FER: variants seen among roughly 807,000 people sequenced by gnomAD.
The protein encoded by FER is FER tyrosine kinase.
In FER, 63 loss-of-function variants were observed where a neutral mutation model predicts 111.0. The ratio of observed to expected loss-of-function variants is 0.57; its 90% CI spans 0.46 to 0.70. The LOEUF (loss-of-function observed/expected upper bound fraction) is 0.70, where lower values mean the gene tolerates loss of function less well. Ranked by LOEUF, FER falls within the 30% of genes least tolerant of loss-of-function variation. The pLI, the probability that FER is intolerant of heterozygous loss-of-function variation, is 0.00. For synonymous variants in FER, 327 were observed against 313.9 expected, an observed-to-expected ratio of 1.04 and a Z score of -0.44; for missense variants, 914 against 954.0, an observed-to-expected ratio of 0.96 and a Z score of 0.55.
At chr5:109,059,224 T>G (rs1046964110) in intron 16 of FER, among the ~76,000 whole-genome samples, 4 of 152,150 alleles carry the variant, frequency 2.6e-5, no homozygotes, top group Non-Finnish European at 5.9e-5. Context: ...TGAATGAATT[T>G]CCACTACAAA....
At position 109,035,810 on chromosome 5, in the gene FER, A is replaced by T. The variant is rs551202252; in HGVS notation, c.1657-1612A>T. On this transcript the variant is annotated intron_variant, in intron 13 of 19. Coordinates refer to ENST00000281092, the MANE Select transcript of FER (RefSeq NM_005246.4). ...GATTACAGTTGCTCCACACCCTCAC[A>T]ATCTCTTGATTTGTTAATCTTTTTA... Among the ~76,000 whole-genome samples, 14 of 152,306 alleles carry T rather than the reference A, an allele frequency of 9.2e-5. No homozygotes were observed. The South Asian group carries it at 2.9e-3, about 32-fold the overall frequency.
intron 3 of FER, among the ~76,000 whole-genome samples, chr5:108,829,840 T>TA (rs772162937): frequency 1.4e-4 from 21 of 152,266 alleles, no homozygotes; most frequent in Non-Finnish European, 2.6e-4. Context: ...GGAGACATTA[T>TA]AAAAAACCAA....
At chr5:109,110,516 C>T (rs1338012212) in intron 17 of FER, among the ~76,000 whole-genome samples, 1 of 152,034 alleles carries the variant, frequency 6.6e-6, no homozygotes, top group African/African-American at 2.4e-5. Flanking sequence ...TGTTACATGG[C>T]CAGATCATAA....
chr5:108,952,105 T>C (rs896191904), intron 11 of FER, among the ~76,000 whole-genome samples: 1 of 152,118 alleles, frequency 6.6e-6, no homozygotes, highest in African/African-American at 2.4e-5. Flanking sequence ...TTATTAAATA[T>C]AACTTATTAA....
intron 8 of FER, among the ~76,000 whole-genome samples, chr5:108,877,903 A>T (rs1765250123): frequency 6.6e-6 from 1 of 152,046 alleles, no homozygotes; most frequent in Admixed American, 6.6e-5. Flanking sequence ...AAAGGTTTTA[A>T]GACTTTGTAT....
chr5:109,024,969 A>G (rs1438081731), intron 13 of FER, among the ~76,000 whole-genome samples: 1 of 151,190 alleles, frequency 6.6e-6, no homozygotes, highest in Non-Finnish European at 1.5e-5. Context: ...GTTCTGTTCC[A>G]TTGATCTATA....
chr5:108,966,607 C>T (rs142461394), intron 13 of FER, among the ~76,000 whole-genome samples: 2 of 151,880 alleles, frequency 1.3e-5, no homozygotes, highest in South Asian at 2.1e-4. Flanking sequence ...AGGCTGGTCT[C>T]GAACTCGTGA....
intron 2 of FER, among the ~76,000 whole-genome samples, chr5:108,780,362 C>T (rs1753921582): frequency 6.8e-6 from 1 of 148,090 alleles, no homozygotes; most frequent in Admixed American, 6.7e-5. Flanking sequence ...TTTCAAGGTA[C>T]ATAATTCTAG....
At chr5:108,861,514 C>A (rs1299874313) in intron 5 of FER, among the ~76,000 whole-genome samples, 2 of 151,958 alleles carry the variant, frequency 1.3e-5, no homozygotes, top group Non-Finnish European at 2.9e-5. Flanking sequence ...TGTTTTCCTC[C>A]TTGTTGATTG....
At chr5:108,845,210 C>A (rs1401167508) in intron 5 of FER, among the ~76,000 whole-genome samples, 1 of 150,564 alleles carries the variant, frequency 6.6e-6, no homozygotes, top group East Asian at 2.0e-4. Context: ...CTTGCTCTGT[C>A]GCCCAGGCTG....
chr5:108,851,868 G>A (rs1762574664), intron 5 of FER, among the ~76,000 whole-genome samples: 1 of 152,162 alleles, frequency 6.6e-6, no homozygotes, highest in Non-Finnish European at 1.5e-5. Flanking sequence ...TCTTACATGA[G>A]TAGGAGTCTG....
chr5:108,885,730 G>A (rs745345046), intron 9 of FER, among the ~76,000 whole-genome samples: 3 of 151,704 alleles, frequency 2.0e-5, no homozygotes, highest in African/African-American at 7.3e-5. Flanking sequence ...CATTGTATTA[G>A]GAGTTTTCAA....
At chr5:108,785,535 T>A in intron 2 of FER, 1 of 548,570 alleles carries the variant, frequency 1.8e-6, no homozygotes, top group South Asian at 1.4e-5. Context: ...GTGTGGCAGG[T>A]GACATGGGCA....
intron 11 of FER, among the ~76,000 whole-genome samples, chr5:108,950,700 A>G (rs914279923): frequency 6.6e-6 from 1 of 152,194 alleles, no homozygotes; most frequent in Non-Finnish European, 1.5e-5. Flanking sequence ...GGAAGGGAGA[A>G]CATTATTTTT....
intron 13 of FER, among the ~76,000 whole-genome samples, chr5:109,030,353 G>A (rs1421380986): frequency 6.6e-6 from 1 of 151,966 alleles, no homozygotes; most frequent in Non-Finnish European, 1.5e-5. Context: ...GATTTTCTTG[G>A]CTCTTGATAT....
chr5:108,836,332 T>C (rs965544829), intron 5 of FER, among the ~76,000 whole-genome samples: 1 of 152,112 alleles, frequency 6.6e-6, no homozygotes, highest in African/African-American at 2.4e-5. Flanking sequence ...AGATTTATGG[T>C]TATAATTTCT....
intron 5 of FER, among the ~76,000 whole-genome samples, chr5:108,854,584 C>T (rs572281005): frequency 6.6e-6 from 1 of 152,204 alleles, no homozygotes; most frequent in Non-Finnish European, 1.5e-5. Context: ...AGAAATTTTA[C>T]CCAGTAGGTA....
chr5:109,168,470 C>T (rs1756777358), intron 17 of FER, among the ~76,000 whole-genome samples: 1 of 152,034 alleles, frequency 6.6e-6, no homozygotes, highest in Non-Finnish European at 1.5e-5. Flanking sequence ...TTTAATCAGT[C>T]ATGCCTGTGT....
In FER at chr5:108,854,621, A is replaced by G. The variant is rs558942838; in HGVS notation, c.482-13146A>G. 2.2e-3 allele frequency among the ~76,000 whole-genome samples: 341 copies of G among 152,300 alleles called. 1 individual carries two copies. Among genetic ancestry groups the G allele is most frequent in the Non-Finnish European group, 3.9e-3 (268 of 68,024 alleles). On this transcript the variant is annotated intron_variant, in intron 5 of 19. Coordinates refer to ENST00000281092, the MANE Select transcript of FER (RefSeq NM_005246.4). ...ATTCAGGAATGCAGCTTTCACAAAT[A>G]ATGAAAATCTACCATATATTGAAAG...
Sources: gnomAD v4.1 joint callset for allele counts (sites outside exome capture counted in the v4.1 genomes callset) on GRCh38, gnomAD v4.1.1 for gene constraint, MANE v1.5 for transcripts, NCBI Gene and HGNC (gene_info 2026-07-23, HGNC 2026-07-21) for gene names.